The following MAD1L1 variants were observed in gnomAD, a reference collection of about 807,000 sequenced individuals.
The protein encoded by MAD1L1 is mitotic spindle assembly checkpoint protein MAD1.
In MAD1L1, 95 loss-of-function variants were observed where a neutral mutation model predicts 96.9. The observed-to-expected ratio is 0.98, with a 90% confidence interval of 0.83 to 1.16. MAD1L1 has a LOEUF of 1.16. Among genes scored for constraint, MAD1L1 ranks in the 50% most tolerant of loss-of-function variants. MAD1L1 has a pLI of 0.00. For synonymous variants in MAD1L1, 473 were observed against 396.6 expected, an observed-to-expected ratio of 1.19 and a Z score of -2.29; for missense variants, 1,007 against 954.4, an observed-to-expected ratio of 1.06 and a Z score of -0.73.
chr7:2,132,487 G>A (rs1013576696), intron 11 of MAD1L1, among the ~76,000 whole-genome samples: 57 of 152,182 alleles, frequency 3.7e-4, no homozygotes, highest in African/African-American at 1.3e-3. Context: ...GCGACTGCGT[G>A]TCCACCATCA....
chr7:2,001,928 C>T lies in MAD1L1; in HGVS notation c.1416+137G>A, dbSNP rs1005538826. 3.4e-6 allele frequency: 3 copies of T among 871,550 alleles called. No individual in the cohort carries two copies. The African/African-American group carries it at 5.0e-5, about 14-fold the overall frequency. 54.0% of individuals were successfully genotyped at this position (871,550 alleles called of 1,614,324 possible). A position where few individuals can be genotyped will look rare whatever the true frequency, so the allele number is the denominator to read the frequency against. On this transcript the variant is annotated intron_variant, in intron 14 of 18. Transcript: ENST00000265854. ...CAGGCTCCTCACACACCCTTCCCCG[C>T]TCAACGCAGCTTCCGACGACAGAAG...
At chr7:1,843,534 T>G (rs905705304) in intron 18 of MAD1L1, among the ~76,000 whole-genome samples, 10 of 152,166 alleles carry the variant, frequency 6.6e-5, no homozygotes, top group African/African-American at 2.2e-4. Flanking sequence ...CCTCCTGAAG[T>G]GCAATTGGTT....
intron 18 of MAD1L1, chr7:1,845,971 C>T (rs1783598272): frequency 1.3e-5 from 2 of 152,878 alleles, no homozygotes; most frequent in Admixed American, 1.3e-4. Context: ...CAGAAACAGA[C>T]CAAGAGACTC....
intron 18 of MAD1L1, among the ~76,000 whole-genome samples, chr7:1,875,751 G>A (rs1411296236): frequency 4.6e-5 from 7 of 152,220 alleles, no homozygotes; most frequent in Admixed American, 6.5e-5. Flanking sequence ...GTAACCGAGC[G>A]GGGCTGTGCA....
chr7:2,143,227 A>G (rs1238274945), intron 11 of MAD1L1, among the ~76,000 whole-genome samples: 1 of 151,730 alleles, frequency 6.6e-6, no homozygotes, highest in Non-Finnish European at 1.5e-5. Context: ...CTCCTGGTAG[A>G]GCCAAATGCA....
chr7:1,854,790 C>T (rs1314900465), intron 18 of MAD1L1, among the ~76,000 whole-genome samples: 4 of 152,196 alleles, frequency 2.6e-5, no homozygotes, highest in East Asian at 3.8e-4. Flanking sequence ...ACCTCACTGG[C>T]GTCACATACG....
intron 11 of MAD1L1, among the ~76,000 whole-genome samples, chr7:2,072,919 G>A (rs558544085): frequency 1.8e-4 from 27 of 152,342 alleles, no homozygotes; most frequent in South Asian, 8.3e-4. Flanking sequence ...CCCCCGCCAC[G>A]CAGAGCAGAT....
At chr7:2,075,826 A>G (rs1785347764) in intron 11 of MAD1L1, among the ~76,000 whole-genome samples, 1 of 152,210 alleles carries the variant, frequency 6.6e-6, no homozygotes, top group South Asian at 2.1e-4. Flanking sequence ...TCTTCCACGC[A>G]CGACCCATTC....
In MAD1L1 at chr7:1,993,870, C is replaced by T. The variant is rs926742273; in HGVS notation, c.1416+8195G>A. 2.6e-5 allele frequency among the ~76,000 whole-genome samples: 4 copies of T among 152,224 alleles called. No homozygotes were observed. In the South Asian group the frequency reaches 8.3e-4, roughly 31 times the overall value. ...AGCACTCGGCAGATGCTTTAAACTCCCCAGCTGAATGCCTGGCCCTGGGCT... is the reference window on the plus strand; with the variant it reads ...AGCACTCGGCAGATGCTTTAAACTCTCCAGCTGAATGCCTGGCCCTGGGCT... On this transcript the variant is annotated intron_variant, in intron 14 of 18. Transcript: ENST00000265854.
At chr7:2,087,830 AGAACAGCTTCATG>A (rs1786000244) in intron 11 of MAD1L1, among the ~76,000 whole-genome samples, 3 of 152,340 alleles carry the variant, frequency 2.0e-5, no homozygotes, top group African/African-American at 7.2e-5. Context: ...CTGTCCACAG[AGAACAGCTTCATG>A]GAACACCGTA....
intron 11 of MAD1L1, among the ~76,000 whole-genome samples, chr7:2,071,502 C>T (rs766641321): frequency 3.3e-5 from 5 of 152,232 alleles, no homozygotes; most frequent in Non-Finnish European, 4.4e-5. Context: ...CGGGCTTTCC[C>T]GACTGAGGCC....
At chr7:2,047,575 G>A (rs1397544904) in intron 12 of MAD1L1, among the ~76,000 whole-genome samples, 1 of 152,204 alleles carries the variant, frequency 6.6e-6, no homozygotes. Context: ...GGCTGGCCTT[G>A]TCTGCTGGGC....
intron 10 of MAD1L1, among the ~76,000 whole-genome samples, chr7:2,156,778 G>A (rs1307598521): frequency 6.7e-6 from 1 of 150,086 alleles, no homozygotes; most frequent in Non-Finnish European, 1.5e-5. Context: ...CTGAGACCAC[G>A]GTATTGCCCT....
At chr7:1,899,254 G>A (rs769172669) in intron 17 of MAD1L1, among the ~76,000 whole-genome samples, 3 of 152,208 alleles carry the variant, frequency 2.0e-5, no homozygotes, top group Admixed American at 6.5e-5. Context: ...GTTAAACCTC[G>A]ATTTATCCCC....
rs528752579 is a variant in MAD1L1, at chr7:1,918,229, G to A, written c.1807+18458C>T. Among the ~76,000 whole-genome samples, 12 of 152,252 alleles carry A rather than the reference G, an allele frequency of 7.9e-5. 1 individual carries two copies. Among genetic ancestry groups the A allele is most frequent in the African/African-American group, 2.9e-4 (12 of 41,554 alleles). ...GCCCCACGATGGCCCAGTGGGGACC[G>A]CCCCAGCCTGGTCTCTGGCCCTGCT... On this transcript the variant is annotated intron_variant, in intron 17 of 18. Coordinates refer to ENST00000265854, the MANE Select transcript of MAD1L1 (RefSeq NM_001013836.2).
intron 18 of MAD1L1, among the ~76,000 whole-genome samples, chr7:1,871,401 G>A (rs1210659205): frequency 1.2e-3 from 144 of 123,340 alleles, no homozygotes; most frequent in African/African-American, 4.1e-3. Flanking sequence ...CACCTGCCAC[G>A]CTGAACCCAA....
intron 18 of MAD1L1, among the ~76,000 whole-genome samples, chr7:1,856,687 A>G (rs1784273013): frequency 6.6e-6 from 1 of 150,888 alleles, no homozygotes; most frequent in Admixed American, 6.6e-5. Context: ...ACAGCCCCGA[A>G]GATGGCATAG....
At chr7:2,010,078 T>G (rs931657194) in intron 13 of MAD1L1, among the ~76,000 whole-genome samples, 4 of 149,798 alleles carry the variant, frequency 2.7e-5, no homozygotes, top group Non-Finnish European at 4.5e-5. Context: ...AGGTTTTTTT[T>G]TTTTTTTTTT....
At position 1,936,785 on chromosome 7, in the gene MAD1L1, C is replaced by T. The variant is rs373540167; in HGVS notation, c.1709G>A (p.Arg570Gln). The T allele has an allele frequency of 3.7e-5, 59 of 1,581,082 alleles. No homozygotes were observed. The highest frequency in any genetic ancestry group is 7.3e-5 in the Admixed American group (4 of 55,018). ...DHSQLQAECE[R>Q]LRGLLRAMER... is the part of the protein sequence containing the mutation. ...CATGGCGCGCAGGAGCCCGCGCAGTCGCTCGCACTCCGCCTGCAGCTGGCT... is the reference window on the plus strand; with the variant it reads ...CATGGCGCGCAGGAGCCCGCGCAGTTGCTCGCACTCCGCCTGCAGCTGGCT... Residue 570 changes from arginine (R) to glutamine (Q), a missense_variant, in exon 17 of 19, where the codon CGA becomes CAA. Transcript: ENST00000265854.
Sources: gnomAD v4.1 joint callset for allele counts (sites outside exome capture counted in the v4.1 genomes callset) on GRCh38, gnomAD v4.1.1 for gene constraint, MANE v1.5 for transcripts, NCBI Gene and HGNC (gene_info 2026-07-23, HGNC 2026-07-21) for gene names.